The following CDH4 variants were observed in gnomAD, a reference collection of about 807,000 sequenced individuals.
The protein encoded by CDH4 is cadherin 4.
A neutral mutation model predicts 86.0 loss-of-function variants in CDH4; 33 were observed. That is an observed-to-expected ratio of 0.38 (90% CI 0.29 to 0.51). The LOEUF (loss-of-function observed/expected upper bound fraction) is 0.51, where lower values mean the gene tolerates loss of function less well. Ranked by LOEUF, CDH4 falls within the 20% of genes least tolerant of loss-of-function variation. The pLI is 0.86. For synonymous variants in CDH4, 555 were observed against 549.4 expected (o/e 1.01, Z -0.14); for missense variants, 1,114 against 1,307.4 (o/e 0.85, Z 2.28).
At chr20:61,733,941 G>A (rs796935794) in intron 2 of CDH4, among the ~76,000 whole-genome samples, 8 of 152,320 alleles carry the variant, frequency 5.3e-5, no homozygotes, top group African/African-American at 1.7e-4. Context: ...AGCCTGCTGC[G>A]CCCGTAAATG....
intron 2 of CDH4, among the ~76,000 whole-genome samples, chr20:61,366,596 A>G (rs568890892): frequency 1.5e-4 from 23 of 152,262 alleles, no homozygotes; most frequent in Non-Finnish European, 2.6e-4. Context: ...CTTATGGGAA[A>G]CGAAGGGATT....
chr20:61,907,587 C>T (rs560578076), intron 8 of CDH4, among the ~76,000 whole-genome samples: 18 of 152,336 alleles, frequency 1.2e-4, no homozygotes, highest in African/African-American at 3.6e-4. Context: ...CCCACGGCGG[C>T]GCCAGCTCCT....
chr20:61,382,512 C>T (rs1193592442), intron 2 of CDH4, among the ~76,000 whole-genome samples: 1 of 152,200 alleles, frequency 6.6e-6, no homozygotes, highest in Non-Finnish European at 1.5e-5. Context: ...GTAAGTGACA[C>T]CTTCTATTGG....
Position 61,935,127 on chromosome 20 carries a change from C to T in CDH4, c.2544+907C>T, listed in dbSNP as rs138891869. On this transcript the variant is annotated intron_variant, in intron 15 of 15. Coordinates refer to ENST00000614565, the MANE Select transcript of CDH4 (RefSeq NM_001794.5). ...GCTCTGCAGGGATCACGGTGTCCTC[C>T]GTGCTGCTTCTAGTCGGCGTGAGCC... Among the ~76,000 whole-genome samples the T allele has an allele frequency of 3.7e-3, 568 of 152,310 alleles. 5 individuals carry two copies. Among genetic ancestry groups the T allele is most frequent in the Middle Eastern group, 0.014 (4 of 294 alleles).
intron 2 of CDH4, among the ~76,000 whole-genome samples, chr20:61,423,708 T>A (rs1413806965): frequency 1.3e-5 from 2 of 152,148 alleles, no homozygotes; most frequent in Non-Finnish European, 2.9e-5. Flanking sequence ...TCTACACACT[T>A]AAATCCTTTG....
At chr20:61,447,640 T>C (rs2145542353) in intron 2 of CDH4, among the ~76,000 whole-genome samples, 1 of 150,628 alleles carries the variant, frequency 6.6e-6, no homozygotes, top group Admixed American at 6.6e-5. Flanking sequence ...TTTTTTTTTT[T>C]TTTTTAGCTT....
At position 61,565,267 on chromosome 20, in the gene CDH4, TGGTCCTCTTGGTG is replaced by T. The variant is rs2086275637; in HGVS notation, c.170-178295_170-178283del. 1.0e-4 allele frequency among the ~76,000 whole-genome samples: 11 copies of T among 106,092 alleles called. 2 individuals carry two copies. Among genetic ancestry groups the T allele is most frequent in the Non-Finnish European group, 2.3e-4 (11 of 48,612 alleles). 69.6% of individuals were successfully genotyped at this position (106,092 alleles called of 152,430 possible). A position where few individuals can be genotyped will look rare whatever the true frequency, so the allele number is the denominator to read the frequency against. ...GCGGTGCTCTTGGTGATGGTGGTGG[TGGTCCTCTTGGTG>T]ATGGGGTGATGGTGGTGGCGGTGCT... On this transcript the variant is annotated intron_variant, in intron 2 of 15. Transcript: ENST00000614565.
chr20:61,911,003 T>C (rs930818044), intron 9 of CDH4, among the ~76,000 whole-genome samples: 2 of 152,188 alleles, frequency 1.3e-5, no homozygotes, highest in East Asian at 1.9e-4. Flanking sequence ...ATATTTGAAG[T>C]TTTTCATGTA....
chr20:61,581,232 G>C (rs566863503), intron 2 of CDH4, among the ~76,000 whole-genome samples: 1 of 152,176 alleles, frequency 6.6e-6, no homozygotes, highest in Non-Finnish European at 1.5e-5. Flanking sequence ...ATGATGTCTC[G>C]CCATATGTAT....
intron 3 of CDH4, among the ~76,000 whole-genome samples, chr20:61,768,109 C>T (rs146477327): frequency 9.5e-4 from 144 of 152,314 alleles, no homozygotes; most frequent in Non-Finnish European, 4.7e-4. Flanking sequence ...TTGAGCTAAA[C>T]TGTCAGGATG....
chr20:61,847,542 T>C (rs1436032536), intron 5 of CDH4, among the ~76,000 whole-genome samples: 1 of 152,246 alleles, frequency 6.6e-6, no homozygotes, highest in Non-Finnish European at 1.5e-5. Flanking sequence ...AAACATGCCG[T>C]GTAAACATGC....
intron 2 of CDH4, among the ~76,000 whole-genome samples, chr20:61,304,058 A>C (rs977155739): frequency 1.3e-5 from 2 of 152,082 alleles, no homozygotes; most frequent in Admixed American, 1.3e-4. Flanking sequence ...TGATGTCCCC[A>C]GTTCTATGGG....
Position 61,852,840 on chromosome 20 carries a change from C to T in CDH4, c.819C>T (p.Asn273=). 6.2e-7 allele frequency: 1 copy of T among 1,614,132 alleles called. No homozygotes were observed. The highest frequency in any genetic ancestry group is 8.5e-7 in the Non-Finnish European group (1 of 1,179,976). ...LYIYVIDMND[N]RPEFINQVYN... ...TCTACGTCATCGACATGAATGACAA[C>T]CGCCCTGAGTTCATCAACCAGGTCT... is the stretch of plus-strand genomic sequence containing the variant. The change falls in exon 6 of 16, where the codon AAC becomes AAT. Residue 273 remains asparagine (N), a synonymous_variant. Transcript: ENST00000614565.
chr20:61,384,399 G>T (rs1484788808), intron 2 of CDH4, among the ~76,000 whole-genome samples: 1 of 152,100 alleles, frequency 6.6e-6, no homozygotes, highest in East Asian at 1.9e-4. Flanking sequence ...CTAAAGATCT[G>T]GCCTCTTACT....
chr20:61,741,172 G>A (rs1240818034), intron 2 of CDH4, among the ~76,000 whole-genome samples: 1 of 152,128 alleles, frequency 6.6e-6, no homozygotes, highest in Non-Finnish European at 1.5e-5. Flanking sequence ...CGGCACCACG[G>A]CACTCCAGCC....
rs746534007 is a variant in CDH4 at position 61,679,048 on chromosome 20, G to A, written c.170-64515G>A. The stretch of plus-strand genomic sequence containing the variant: ...GTCTCTGAAGGTTGCCTAGGGTTCC[G>A]GTTGGATCTGTCTTGTTCCTGCCGC... On this transcript the variant is annotated intron_variant, in intron 2 of 15. Coordinates refer to ENST00000614565, the MANE Select transcript of CDH4 (RefSeq NM_001794.5). Among the ~76,000 whole-genome samples the A allele has an allele frequency of 1.8e-4, 28 of 152,288 alleles. No homozygotes were observed. In the South Asian group the frequency reaches 4.4e-3, roughly 24 times the overall value.
chr20:61,308,099 T>G (rs2084427050), intron 2 of CDH4, among the ~76,000 whole-genome samples: 2 of 152,212 alleles, frequency 1.3e-5, no homozygotes, highest in Non-Finnish European at 2.9e-5. Flanking sequence ...CGTGTGAAAC[T>G]GCCCAGTGTG....
intron 3 of CDH4, among the ~76,000 whole-genome samples, chr20:61,753,908 A>G (rs1600948999): frequency 6.6e-6 from 1 of 152,130 alleles, no homozygotes; most frequent in Non-Finnish European, 1.5e-5. Context: ...AACATGACTT[A>G]ACTTGGAAAT....
At chr20:61,689,190 C>G (rs1387961740) in intron 2 of CDH4, among the ~76,000 whole-genome samples, 2 of 151,792 alleles carry the variant, frequency 1.3e-5, no homozygotes, top group African/African-American at 4.8e-5. Context: ...TGGAATCAGG[C>G]TGGGACAGTG....
Sources: gnomAD v4.1 joint callset for allele counts (sites outside exome capture counted in the v4.1 genomes callset) on GRCh38, gnomAD v4.1.1 for gene constraint, MANE v1.5 for transcripts, NCBI Gene and HGNC (gene_info 2026-07-23, HGNC 2026-07-21) for gene names.